The following NELL2 variants were observed in gnomAD, a reference collection of about 807,000 sequenced individuals.
The protein encoded by NELL2 is protein kinase C-binding protein NELL2.
In NELL2, 41 loss-of-function variants were observed where a neutral mutation model predicts 109.6. The ratio of observed to expected loss-of-function variants is 0.37; its 90% confidence interval spans 0.29 to 0.49. The LOEUF is 0.49. NELL2 is among the 20% of genes least tolerant of loss of function. NELL2 has a pLI of 0.98. For synonymous variants in NELL2, 355 were observed against 344.7 expected, an observed-to-expected ratio of 1.03 and a Z score of -0.33; for missense variants, 900 against 1,008.3, an observed-to-expected ratio of 0.89 and a Z score of 1.45.
chr12:44,839,937 T>C (rs893339092), intron 2 of NELL2, among the ~76,000 whole-genome samples: 1 of 152,242 alleles, frequency 6.6e-6, no homozygotes, highest in Non-Finnish European at 1.5e-5. Context: ...CAGGTTTTCA[T>C]TCTGATTCTC....
intron 15 of NELL2, among the ~76,000 whole-genome samples, chr12:44,548,091 C>T (rs915871184): frequency 6.6e-6 from 1 of 152,122 alleles, no homozygotes; most frequent in Non-Finnish European, 1.5e-5. Context: ...ACTTCTAGAA[C>T]ACAGCCTGGT....
At chr12:44,580,955 T>C (rs1944300065) in intron 15 of NELL2, among the ~76,000 whole-genome samples, 1 of 152,200 alleles carries the variant, frequency 6.6e-6, no homozygotes, top group South Asian at 2.1e-4. Context: ...ATAATATGAT[T>C]GCAAAATAGT....
Position 44,703,704 on chromosome 12 carries a change from T to C in NELL2, c.1318+22A>G, listed in dbSNP as rs780826133. 7.4e-6 allele frequency: 12 copies of C among 1,612,546 alleles called. 1 individual carries two copies. The South Asian group carries it at 1.3e-4, about 18-fold the overall frequency. On this transcript the variant is annotated intron_variant, in intron 12 of 19. Transcript: ENST00000429094. ...TCCTAGAAAATTTATACAGCTGAGC[T>C]ACACATCATTACAAGGATTACCTTC...
intron 9 of NELL2, among the ~76,000 whole-genome samples, chr12:44,755,326 C>T (rs1360534255): frequency 2.0e-5 from 3 of 152,112 alleles, no homozygotes; most frequent in African/African-American, 7.2e-5. Flanking sequence ...AAAATATCTG[C>T]TCTTTCAGGT....
chr12:44,715,764 A>C (rs73278106), intron 9 of NELL2, among the ~76,000 whole-genome samples: 13,483 of 152,088 alleles, frequency 0.089, 1,951 homozygotes, highest in African/African-American at 0.3. Context: ...TTGTTCCCCA[A>C]ATTTACTAAA....
chr12:44,597,095 C>T (rs1036552571), intron 15 of NELL2, among the ~76,000 whole-genome samples: 1 of 152,054 alleles, frequency 6.6e-6, no homozygotes, highest in Non-Finnish European at 1.5e-5. Context: ...ATCCCTTTTT[C>T]CTATGGTTCT....
chr12:44,646,506 T>G (rs778445062), intron 13 of NELL2, among the ~76,000 whole-genome samples: 1 of 152,202 alleles, frequency 6.6e-6, no homozygotes, highest in African/African-American at 2.4e-5. Flanking sequence ...AAATCCAGCA[T>G]GGTAAGAAAT....
chr12:44,520,237 G>A lies in NELL2; in HGVS notation c.2176-8C>T, dbSNP rs578242157. ...ACAATCAACTTCCCCTTGCTACAAG[G>A]AAAGCAGATGTGCAAGGGCAGAGGG... On this transcript the variant is annotated splice_region_variant and splice_polypyrimidine_tract_variant and intron_variant, in intron 18 of 19. Coordinates refer to ENST00000429094, the MANE Select transcript of NELL2 (RefSeq NM_001145108.2). 8 of 1,604,100 alleles carry A rather than the reference G, an allele frequency of 5.0e-6. No homozygotes were observed. Among genetic ancestry groups the A allele is most frequent in the Middle Eastern group, 1.7e-4 (1 of 5,850 alleles).
chr12:44,765,612 G>A (rs982159859), intron 9 of NELL2, among the ~76,000 whole-genome samples: 2 of 151,988 alleles, frequency 1.3e-5, no homozygotes, highest in African/African-American at 2.4e-5. Flanking sequence ...CTCAGAGTGG[G>A]ATTGCAGCAG....
intron 9 of NELL2, among the ~76,000 whole-genome samples, chr12:44,717,647 G>C (rs1201137726): frequency 6.6e-6 from 1 of 152,170 alleles, no homozygotes; most frequent in Non-Finnish European, 1.5e-5. Context: ...CTAAGGCTAA[G>C]GAACAAGGGA....
chr12:44,627,793 T>G (rs988243419), intron 13 of NELL2, among the ~76,000 whole-genome samples: 1 of 152,204 alleles, frequency 6.6e-6, no homozygotes, highest in East Asian at 1.9e-4. Context: ...TTCCAACTTA[T>G]GGAAAAGTAG....
intron 15 of NELL2, among the ~76,000 whole-genome samples, chr12:44,594,195 C>T (rs1944870176): frequency 6.6e-6 from 1 of 151,926 alleles, no homozygotes; most frequent in African/African-American, 2.4e-5. Flanking sequence ...ATGCAGATGA[C>T]GGGTTGATGG....
intron 15 of NELL2, among the ~76,000 whole-genome samples, chr12:44,580,580 G>T (rs1413963478): frequency 1.3e-5 from 2 of 152,140 alleles, no homozygotes; most frequent in Non-Finnish European, 2.9e-5. Flanking sequence ...TAGTGTGGTG[G>T]TGGGCACCTG....
In NELL2 at chr12:44,777,124, G is replaced by C. The variant is rs1442690612; in HGVS notation, c.680C>G (p.Thr227Ser). Reference protein sequence around the residue: ...FIAQCPDLNRTCPTCNDFHGL... With the variant: ...FIAQCPDLNRSCPTCNDFHGL... ...ATGGAAGTCATTGCAAGTTGGACAG[G>C]CTGGAATTACAAACACTACATTTGG... The change falls in exon 7 of 20, where the codon ACC becomes AGC. Residue 227 changes from threonine to serine, a missense_variant and splice_region_variant. Thr to Ser is a moderately conservative substitution (Grantham distance 58, BLOSUM62 1). Coordinates refer to ENST00000429094, the MANE Select transcript of NELL2 (RefSeq NM_001145108.2). 3 of 1,613,960 alleles carry C rather than the reference G, an allele frequency of 1.9e-6. No homozygotes were observed. Among genetic ancestry groups the C allele is most frequent in the African/African-American group, 2.7e-5 (2 of 75,038 alleles).
At position 44,831,276 on chromosome 12, in the gene NELL2, T is replaced by A. The variant is rs183778063; in HGVS notation, c.185-15140A>T. Among the ~76,000 whole-genome samples, 19 of 152,266 alleles carry A rather than the reference T, an allele frequency of 1.2e-4. No homozygotes were observed. In the East Asian group the frequency reaches 3.7e-3, roughly 29 times the overall value. On this transcript the variant is annotated intron_variant, in intron 2 of 19. Coordinates refer to ENST00000429094, the MANE Select transcript of NELL2 (RefSeq NM_001145108.2). The stretch of plus-strand genomic sequence containing the variant: ...AGGAGCCACACATCTGACCCCACCA[T>A]GCTTGTGTCTTTCCCATTTCACGAA...
At chr12:44,916,203 G>A (rs182237337), upstream of NELL2, among the ~76,000 whole-genome samples, 1 of 152,260 alleles carries the variant, frequency 6.6e-6, no homozygotes, top group East Asian at 1.9e-4. Context: ...CATGAAAGCT[G>A]CAAATAACTG....
intron 2 of NELL2, among the ~76,000 whole-genome samples, chr12:44,854,322 T>C (rs1464681601): frequency 6.6e-6 from 1 of 152,076 alleles, no homozygotes; most frequent in Non-Finnish European, 1.5e-5. Flanking sequence ...ATAAAACAGA[T>C]ACACAATGCA....
At chr12:44,738,632 G>A (rs1939776660) in intron 9 of NELL2, among the ~76,000 whole-genome samples, 1 of 152,076 alleles carries the variant, frequency 6.6e-6, no homozygotes, top group South Asian at 2.1e-4. Flanking sequence ...GCAAAGACTA[G>A]AACCATAGAT....
intron 5 of NELL2, among the ~76,000 whole-genome samples, chr12:44,779,297 TC>T (rs1449496111): frequency 6.6e-6 from 1 of 152,206 alleles, no homozygotes; most frequent in Non-Finnish European, 1.5e-5. Flanking sequence ...AAGCTTTCAA[TC>T]CGCTATTAAC....
Sources: allele counts gnomAD v4.1 joint callset (sites outside exome capture counted in the v4.1 genomes callset), GRCh38; gene constraint gnomAD v4.1.1; transcripts MANE v1.5; gene names NCBI Gene and HGNC (gene_info 2026-07-23, HGNC 2026-07-21).